Variants in RABGAP1L observed in about 807,000 individuals in gnomAD.
RABGAP1L encodes rab GTPase-activating protein 1-like.
Under a neutral mutation model 137.7 loss-of-function variants are expected in RABGAP1L, and 63 were observed. The observed-to-expected ratio is 0.46, with a 90% CI of 0.37 to 0.56. RABGAP1L has a LOEUF of 0.56. RABGAP1L is among the 20% of genes least tolerant of loss of function. The pLI is 0.00. For synonymous variants in RABGAP1L, 431 were observed against 433.7 expected (o/e 0.99, Z 0.08); for missense variants, 1,095 against 1,244.0 (o/e 0.88, Z 1.80).
At chr1:174,615,423 C>G (rs915635920) in intron 13 of RABGAP1L, among the ~76,000 whole-genome samples, 3 of 152,138 alleles carry the variant, frequency 2.0e-5, no homozygotes, top group Admixed American at 6.5e-5. Flanking sequence ...GCTGTCTGAT[C>G]GTTACTCTGG....
chr1:174,197,799 T>TA (rs923014982), intron 1 of RABGAP1L, among the ~76,000 whole-genome samples: 46 of 145,518 alleles, frequency 3.2e-4, no homozygotes, highest in South Asian at 1.1e-3. Context: ...AAACTCCGTC[T>TA]AAAAAAAAAA....
intron 13 of RABGAP1L, among the ~76,000 whole-genome samples, chr1:174,596,157 G>C (rs1669889989): frequency 7.1e-6 from 1 of 140,030 alleles, no homozygotes. Flanking sequence ...CTCGGAAAGG[G>C]AACTCCCTGA....
intron 13 of RABGAP1L, among the ~76,000 whole-genome samples, chr1:174,564,099 C>T (rs931027039): frequency 6.6e-6 from 1 of 152,142 alleles, no homozygotes; most frequent in African/African-American, 2.4e-5. Flanking sequence ...TAGAAATGCA[C>T]ATTTTAGTAT....
Position 174,448,536 on chromosome 1 carries a change from C to T in RABGAP1L, c.1710+54391C>T. ...TGCATCAGTGTGGATCGTTATCTTG[C>T]AATAACCAAGCCTCTTTCCTACAAT... is the stretch of plus-strand genomic sequence containing the variant. On this transcript the variant is annotated intron_variant, in intron 13 of 25. Coordinates refer to ENST00000681986, the MANE Select transcript of RABGAP1L (RefSeq NM_001366446.1). This position sits in a 1 kb window ranked among gnomAD's most constrained non-coding sequence, Gnocchi z 4.2. 1.2e-6 allele frequency: 2 copies of T among 1,611,494 alleles called. No individual in the cohort carries two copies. Among genetic ancestry groups the T allele is most frequent in the Non-Finnish European group, 1.7e-6 (2 of 1,177,892 alleles).
intron 19 of RABGAP1L, among the ~76,000 whole-genome samples, chr1:174,886,467 T>C (rs1308124544): frequency 6.6e-6 from 1 of 152,182 alleles, no homozygotes; most frequent in East Asian, 1.9e-4. Context: ...ATGCCCACAA[T>C]AGGATTTCTG....
rs141808388 is a variant in RABGAP1L at position 174,834,610 on chromosome 1, C to G, written c.2340+22650C>G. 8.4e-4 allele frequency among the ~76,000 whole-genome samples: 126 copies of G among 149,464 alleles called. 3 individuals are homozygous for G. The East Asian group carries it at 0.023, about 27-fold the overall frequency. ...GAGAAAAAGCCCATCCCCGCCCCCCCCGCCGCCCCCCATTAACCTGTTCTT... is the reference window on the plus strand; with the variant it reads ...GAGAAAAAGCCCATCCCCGCCCCCCGCGCCGCCCCCCATTAACCTGTTCTT... On this transcript the variant is annotated intron_variant, in intron 19 of 25. Coordinates refer to ENST00000681986, the MANE Select transcript of RABGAP1L (RefSeq NM_001366446.1).
At chr1:174,781,922 T>A (rs1420013702) in intron 18 of RABGAP1L, among the ~76,000 whole-genome samples, 1 of 152,218 alleles carries the variant, frequency 6.6e-6, no homozygotes, top group Non-Finnish European at 1.5e-5. Context: ...TCCATTGGTC[T>A]GTATCTCTGT....
At chr1:174,830,191 G>A (rs901761979) in intron 19 of RABGAP1L, among the ~76,000 whole-genome samples, 2 of 147,556 alleles carry the variant, frequency 1.4e-5, no homozygotes, top group African/African-American at 5.0e-5. Context: ...CATACCACAA[G>A]GGAAAGGGAT....
At chr1:174,611,080 T>C (rs535211716) in intron 13 of RABGAP1L, among the ~76,000 whole-genome samples, 6 of 149,216 alleles carry the variant, frequency 4.0e-5, no homozygotes, top group East Asian at 3.9e-4. Flanking sequence ...TTTGTCAATT[T>C]TGGCTTTTGT....
intron 12 of RABGAP1L, among the ~76,000 whole-genome samples, chr1:174,371,740 A>G (rs1295913874): frequency 6.6e-6 from 1 of 152,182 alleles, no homozygotes; most frequent in Non-Finnish European, 1.5e-5. Flanking sequence ...TTATTGTTGA[A>G]TATGCACTCA....
At chr1:174,548,896 A>G (rs1035463634) in intron 13 of RABGAP1L, among the ~76,000 whole-genome samples, 3 of 152,230 alleles carry the variant, frequency 2.0e-5, no homozygotes, top group Non-Finnish European at 2.9e-5. Context: ...TAAAACTACA[A>G]TAGTGATCTA....
chr1:174,165,428 G>C (rs946364358), intron 1 of RABGAP1L, among the ~76,000 whole-genome samples: 1 of 150,364 alleles, frequency 6.7e-6, no homozygotes, highest in East Asian at 2.0e-4. Context: ...GGGATTACAG[G>C]CGTGAGCCAC....
chr1:174,641,787 G>C (rs1299341733), intron 14 of RABGAP1L, among the ~76,000 whole-genome samples: 1 of 152,036 alleles, frequency 6.6e-6, no homozygotes, highest in Non-Finnish European at 1.5e-5. Flanking sequence ...AGATTGTTCC[G>C]GTTCCAATGT....
chr1:174,315,876 C>A (rs752914494), intron 11 of RABGAP1L, among the ~76,000 whole-genome samples: 1 of 152,044 alleles, frequency 6.6e-6, no homozygotes, highest in Non-Finnish European at 1.5e-5. Flanking sequence ...TGCTTAGATT[C>A]GCACCTTTGA....
At chr1:174,181,678 A>G (rs1175594849) in intron 1 of RABGAP1L, among the ~76,000 whole-genome samples, 2 of 152,156 alleles carry the variant, frequency 1.3e-5, no homozygotes, top group Non-Finnish European at 2.9e-5. Context: ...TTTGGTATCC[A>G]TGGGGGATCC....
chr1:174,174,765 G>C (rs1488116017), intron 1 of RABGAP1L, among the ~76,000 whole-genome samples: 2 of 152,210 alleles, frequency 1.3e-5, no homozygotes, highest in African/African-American at 4.8e-5. Context: ...GAGAGTGAGT[G>C]AATTTGCCCT....
At chr1:174,430,540 G>A (rs1376359187) in intron 13 of RABGAP1L, among the ~76,000 whole-genome samples, 1 of 152,132 alleles carries the variant, frequency 6.6e-6, no homozygotes, top group African/African-American at 2.4e-5. Context: ...CATGTTGGCA[G>A]TAAGTAAATC....
chr1:174,283,501 TTTTG>T (rs1442997946), intron 10 of RABGAP1L, among the ~76,000 whole-genome samples: 4 of 151,870 alleles, frequency 2.6e-5, no homozygotes, highest in African/African-American at 7.3e-5. Context: ...TTGCTGTTTT[TTTTG>T]TTTGTTTGTT....
In RABGAP1L at chr1:174,514,361, A is replaced by G. The variant is rs549703323; in HGVS notation, c.1710+120216A>G. On this transcript the variant is annotated intron_variant, in intron 13 of 25. Coordinates refer to ENST00000681986, the MANE Select transcript of RABGAP1L (RefSeq NM_001366446.1). ...GGGATAGAAGCCAGACTTTAAGGAG[A>G]CAAGAAATGGAAAGGAAGTAGAACA... Among the ~76,000 whole-genome samples the G allele has an allele frequency of 7.9e-5, 12 of 152,082 alleles. No individual in the cohort carries two copies. In the East Asian group the frequency reaches 2.3e-3, roughly 29 times the overall value.
Sources: gnomAD v4.1 joint callset for allele counts (sites outside exome capture counted in the v4.1 genomes callset) on GRCh38, gnomAD v4.1.1 for gene constraint, Gnocchi (gnomAD v3.1) non-coding constraint, MANE v1.5 for transcripts, NCBI Gene and HGNC (gene_info 2026-07-23, HGNC 2026-07-21) for gene names.